The following ARSG variants were observed in gnomAD, a reference collection of about 807,000 sequenced individuals.
ARSG encodes ASG.
Under a neutral mutation model 50.5 loss-of-function variants are expected in ARSG, and 37 were observed. The ratio of observed to expected loss-of-function variants is 0.73; its 90% CI spans 0.56 to 0.96. The LOEUF is 0.96. Among genes scored for constraint, ARSG ranks in the 50% least tolerant of loss-of-function variants. ARSG has a pLI of 0.00. For missense variants in ARSG, 629 were observed against 675.3 expected, an observed-to-expected ratio of 0.93 and a Z score of 0.76; for synonymous variants, 225 against 254.6, an observed-to-expected ratio of 0.88 and a Z score of 1.11.
intron 1 of ARSG, among the ~76,000 whole-genome samples, chr17:68,260,732 A>G (rs1267701710): frequency 6.6e-6 from 1 of 152,104 alleles, no homozygotes; most frequent in Non-Finnish European, 1.5e-5. Flanking sequence ...AGCTCAAGCA[A>G]TCTGCCTGCC....
Position 68,343,750 on chromosome 17 carries a change from C to T in ARSG, c.365C>T (p.Ala122Val). 1 of 1,614,040 alleles carries T rather than the reference C, an allele frequency of 6.2e-7. No homozygotes were observed. Among genetic ancestry groups the T allele is most frequent in the Non-Finnish European group, 8.5e-7 (1 of 1,179,932 alleles). The change falls in exon 3 of 12, where the codon GCA becomes GTA. Residue 122 changes from alanine to valine, a missense_variant. Transcript: ENST00000621439. ...GGLPLNETTL[A>V]EVLQQAGYVT... ...CTTCCGCTCAACGAGACCACCTTGG[C>T]AGAGGTGCTGCAGCAGGCGGGTTAC... is the stretch of plus-strand genomic sequence containing the variant.
At chr17:68,450,964 G>A in the ARSG span, 1 of 1,548,452 alleles carries the variant, frequency 6.5e-7, no homozygotes, top group Non-Finnish European at 8.7e-7. Context: ...CAGCCTCCAT[G>A]ACACTGGGCC....
rs543840440 is a variant in ARSG at position 68,303,946 on chromosome 17, C to G, written c.-551-2997C>G. On this transcript the variant is annotated intron_variant, in intron 1 of 11. Coordinates refer to ENST00000621439, the MANE Select transcript of ARSG (RefSeq NM_001267727.2). ...GTCTGCTGGCTAGATTCGCTTATTT[C>G]CATTCTATGAACATTTTAAGTAATG... Among the ~76,000 whole-genome samples the G allele has an allele frequency of 1.7e-4, 26 of 152,336 alleles. No individual in the cohort carries two copies. In the South Asian group the frequency reaches 4.6e-3, roughly 27 times the overall value.
intron 2 of ARSG, among the ~76,000 whole-genome samples, chr17:68,322,640 A>T (rs202085019): frequency 0.28 from 28,309 of 102,240 alleles, 3,420 homozygotes; most frequent in Non-Finnish European, 0.37. Context: ...AAAAAAAATT[A>T]AAAAAAAAAG....
At chr17:68,394,263 T>G (rs1261404709) in intron 9 of ARSG, among the ~76,000 whole-genome samples, 4 of 152,100 alleles carry the variant, frequency 2.6e-5, no homozygotes, top group Non-Finnish European at 4.4e-5. Context: ...AAGTACTTAG[T>G]TAAGATGGAA....
At chr17:68,406,643 G>T (rs558758645) in intron 11 of ARSG, among the ~76,000 whole-genome samples, 1 of 152,250 alleles carries the variant, frequency 6.6e-6, no homozygotes, top group South Asian at 2.1e-4. Context: ...GTGACATTAA[G>T]CATTTTTTCA....
chr17:68,430,333 C>A, the ARSG span, among the ~76,000 whole-genome samples: 7 of 152,148 alleles, frequency 4.6e-5, no homozygotes, highest in South Asian at 1.0e-3. Flanking sequence ...CTGGCAATAA[C>A]TAAAGAGCAT....
chr17:68,262,170 CAAAAA>C (rs35446089), intron 1 of ARSG, among the ~76,000 whole-genome samples: 1 of 138,164 alleles, frequency 7.2e-6, no homozygotes, highest in African/African-American at 2.6e-5. Flanking sequence ...CGAAAACAAA[CAAAAA>C]AAAAAAAAAG....
chr17:68,404,156 C>G (rs1452152836), intron 11 of ARSG, among the ~76,000 whole-genome samples: 1 of 152,106 alleles, frequency 6.6e-6, no homozygotes, highest in African/African-American at 2.4e-5. Context: ...GTGAATAGTG[C>G]CGCAATAAAC....
intron 2 of ARSG, among the ~76,000 whole-genome samples, chr17:68,326,619 C>G (rs185304072): frequency 6.6e-6 from 1 of 152,178 alleles, no homozygotes; most frequent in South Asian, 2.1e-4. Flanking sequence ...CAGCCGAGAT[C>G]GTGCCATTGC....
At chr17:68,421,978 C>G, downstream of ARSG, 1 of 794,746 alleles carries the variant, frequency 1.3e-6, no homozygotes, top group Non-Finnish European at 2.1e-6. Flanking sequence ...AGAATGGTCA[C>G]CCAGCTTATT....
intron 6 of ARSG, among the ~76,000 whole-genome samples, chr17:68,362,932 ATATT>A (rs2079366696): frequency 6.6e-6 from 1 of 152,158 alleles, no homozygotes; most frequent in African/African-American, 2.4e-5. Context: ...AGCTTAATAA[ATATT>A]TAATGAATGA....
the ARSG span, among the ~76,000 whole-genome samples, chr17:68,431,885 G>A: frequency 8.0e-6 from 1 of 125,690 alleles, no homozygotes; most frequent in African/African-American, 3.0e-5. Context: ...AATCCCCAGT[G>A]GAGGCGGGGC....
At chr17:68,306,913 C>T (rs1326701888) in intron 1 of ARSG, 30 bp from the exon 2 acceptor site, 1 of 152,248 alleles carries the variant, frequency 6.6e-6, no homozygotes, top group East Asian at 1.9e-4. Context: ...AGTTTTAACT[C>T]TGTTTTCTTG....
downstream of ARSG, chr17:68,427,320 A>G (rs2083262277): frequency 1.6e-6 from 2 of 1,221,986 alleles, no homozygotes; most frequent in African/African-American, 1.5e-5. Flanking sequence ...ACACCTTCCA[A>G]AGGAAAAGCA....
At chr17:68,357,533 C>T (rs2146503554) in intron 6 of ARSG, among the ~76,000 whole-genome samples, 1 of 152,322 alleles carries the variant, frequency 6.6e-6, no homozygotes, top group South Asian at 2.1e-4. Context: ...AGACCCTTAA[C>T]ATAATTCCAC....
At chr17:68,324,155 A>G (rs1468504725) in intron 2 of ARSG, among the ~76,000 whole-genome samples, 1 of 151,722 alleles carries the variant, frequency 6.6e-6, no homozygotes, top group Non-Finnish European at 1.5e-5. Context: ...TTGATGCTCC[A>G]TTTGAATTCT....
At chr17:68,320,284 C>T (rs1363872663) in intron 2 of ARSG, among the ~76,000 whole-genome samples, 5 of 150,014 alleles carry the variant, frequency 3.3e-5, no homozygotes, top group African/African-American at 7.4e-5. Flanking sequence ...AGCAAGACTC[C>T]GTCTTAAAAA....
At chr17:68,295,903 C>G (rs1555758012) in intron 1 of ARSG, among the ~76,000 whole-genome samples, 1 of 152,010 alleles carries the variant, frequency 6.6e-6, no homozygotes, top group African/African-American at 2.4e-5. Flanking sequence ...TGGTCTCGAA[C>G]TCCTGGCCTC....
Sources: allele counts gnomAD v4.1 joint callset (sites outside exome capture counted in the v4.1 genomes callset), GRCh38; gene constraint gnomAD v4.1.1; transcripts MANE v1.5; gene names NCBI Gene and HGNC (gene_info 2026-07-23, HGNC 2026-07-21).